CBFA2T2: variants seen among roughly 807,000 people sequenced by gnomAD.
CBFA2T2 encodes protein CBFA2T2.
CBFA2T2 carries 11 observed loss-of-function variants against 62.2 expected under a neutral mutation model. The observed-to-expected ratio is 0.18, with a 90% CI of 0.11 to 0.29. The LOEUF is 0.29. CBFA2T2 is among the 10% of genes least tolerant of loss of function. CBFA2T2 has a pLI of 1.00. For missense variants in CBFA2T2, 592 were observed against 774.1 expected (o/e 0.76, Z 2.79); for synonymous variants, 295 against 287.5 (o/e 1.03, Z -0.27).
chr20:33,597,672 C>T (rs902353122), intron 1 of CBFA2T2, among the ~76,000 whole-genome samples: 38 of 152,182 alleles, frequency 2.5e-4, no homozygotes, highest in African/African-American at 8.9e-4. Context: ...AAACCACTCC[C>T]TACCCCACCC....
At chr20:33,619,030 C>T (rs942173967) in intron 3 of CBFA2T2, among the ~76,000 whole-genome samples, 2 of 152,108 alleles carry the variant, frequency 1.3e-5, no homozygotes, top group Non-Finnish European at 2.9e-5. Context: ...CTTTGCCAGG[C>T]GTCTGAGTTC....
At chr20:33,531,890 G>GA (rs2012072217) in intron 1 of CBFA2T2, among the ~76,000 whole-genome samples, 1 of 152,166 alleles carries the variant, frequency 6.6e-6, no homozygotes, top group African/African-American at 2.4e-5. Flanking sequence ...AAAGGAAAAA[G>GA]AAAAGTTCAA....
chr20:33,526,868 A>C (rs1298704568), intron 1 of CBFA2T2, among the ~76,000 whole-genome samples: 1 of 152,216 alleles, frequency 6.6e-6, no homozygotes, highest in Non-Finnish European at 1.5e-5. Flanking sequence ...TCCTACTTCT[A>C]TCTCTTACTC....
At chr20:33,538,848 GT>G (rs949957123) in intron 1 of CBFA2T2, among the ~76,000 whole-genome samples, 136 of 133,926 alleles carry the variant, frequency 1.0e-3, no homozygotes, top group East Asian at 2.4e-3. Context: ...ATTGTTGTTT[GT>G]TTTTTTTTTT....
intron 1 of CBFA2T2, among the ~76,000 whole-genome samples, chr20:33,544,935 TAGAATAGAAC>T (rs1368068275): frequency 2.8e-4 from 39 of 141,806 alleles, no homozygotes; most frequent in East Asian, 2.4e-3. Flanking sequence ...CATGAGTGAA[TAGAATAGAAC>T]AGAATAGAAT....
At chr20:33,536,776 C>G (rs534164021) in intron 1 of CBFA2T2, among the ~76,000 whole-genome samples, 82 of 150,938 alleles carry the variant, frequency 5.4e-4, no homozygotes, top group Non-Finnish European at 9.0e-4. Context: ...GATGGGCGGC[C>G]GGGCAGAGAC....
intron 1 of CBFA2T2, among the ~76,000 whole-genome samples, chr20:33,524,959 C>T (rs2011843989): frequency 6.6e-6 from 1 of 152,028 alleles, no homozygotes; most frequent in Non-Finnish European, 1.5e-5. Flanking sequence ...CTCAGCCTCC[C>T]AAGTAGCTGG....
At chr20:33,634,213 C>T (rs1334380929) in intron 8 of CBFA2T2, among the ~76,000 whole-genome samples, 8 of 152,124 alleles carry the variant, frequency 5.3e-5, no homozygotes, top group South Asian at 2.1e-4. Context: ...GTGATCCACC[C>T]GCCTTGGCCT....
intron 1 of CBFA2T2, among the ~76,000 whole-genome samples, chr20:33,561,762 A>G (rs771957595): frequency 3.9e-5 from 6 of 152,330 alleles, no homozygotes; most frequent in Non-Finnish European, 8.8e-5. Context: ...GTTTTAAAAC[A>G]ATTTTGCATT....
At chr20:33,574,573 C>T (rs562033748) in intron 1 of CBFA2T2, among the ~76,000 whole-genome samples, 36 of 152,262 alleles carry the variant, frequency 2.4e-4, no homozygotes, top group African/African-American at 7.0e-4. Context: ...TGCAGTGAGC[C>T]GAGATTGTGC....
chr20:33,573,082 T>C (rs554940127), intron 1 of CBFA2T2, among the ~76,000 whole-genome samples: 6 of 152,322 alleles, frequency 3.9e-5, no homozygotes, highest in Non-Finnish European at 7.3e-5. Flanking sequence ...TTCCTTATTA[T>C]TCATCCATTC....
chr20:33,526,945 T>C (rs2011905398), intron 1 of CBFA2T2, among the ~76,000 whole-genome samples: 1 of 152,060 alleles, frequency 6.6e-6, no homozygotes, highest in Admixed American at 6.6e-5. Context: ...TGAATGATGG[T>C]CTAAGCAGAT....
In CBFA2T2 at chr20:33,644,484, C is replaced by T. The variant is rs1229136657; in HGVS notation, c.1626C>T (p.Ser542=). ...RLCGQNLHGQ[S]PHGQGRPLLP... is the part of the protein sequence containing the mutation. ...GTGGTCAGAACCTGCATGGCCAGAG[C>T]CCCCACGGCCAGGGCCGGCCGCTGC... Residue 542 remains serine, a synonymous_variant, in exon 11 of 11, where the codon AGC becomes AGT. Transcript: ENST00000342704. 3.1e-6 allele frequency: 5 copies of T among 1,614,164 alleles called. No homozygotes were observed. In the South Asian group the frequency reaches 3.3e-5, roughly 11 times the overall value.
At chr20:33,491,552 A>G (rs529151150) in intron 1 of CBFA2T2, among the ~76,000 whole-genome samples, 12 of 152,236 alleles carry the variant, frequency 7.9e-5, no homozygotes, top group African/African-American at 2.9e-4. Context: ...CACCCATTAA[A>G]TGTTGGATTG....
intron 1 of CBFA2T2, 38 bp downstream of exon 1, chr20:33,490,339 T>C: frequency 7.9e-7 from 1 of 1,266,990 alleles, no homozygotes. Flanking sequence ...GAGGGGGGCG[T>C]GTGAGGGCCT....
intron 8 of CBFA2T2, among the ~76,000 whole-genome samples, chr20:33,631,052 T>C (rs1055699693): frequency 4.6e-5 from 7 of 152,092 alleles, no homozygotes; most frequent in Non-Finnish European, 7.4e-5. Context: ...TGGTGGCTCA[T>C]GCCTGTGATC....
At chr20:33,624,675 A>G in intron 5 of CBFA2T2, 89 bp from the exon 6 acceptor site, 1 of 1,437,896 alleles carries the variant, frequency 7.0e-7, no homozygotes, top group Non-Finnish European at 9.5e-7. Context: ...AGCATGTAGC[A>G]AAATACCTAA....
chr20:33,546,823 C>T (rs1203014277), intron 1 of CBFA2T2, among the ~76,000 whole-genome samples: 1 of 151,012 alleles, frequency 6.6e-6, no homozygotes, highest in Non-Finnish European at 1.5e-5. Flanking sequence ...TTGAGTTTAC[C>T]ATTTGTAGCA....
intron 1 of CBFA2T2, among the ~76,000 whole-genome samples, chr20:33,599,018 T>C (rs1045291517): frequency 6.6e-6 from 1 of 151,262 alleles, no homozygotes; most frequent in African/African-American, 2.4e-5. Flanking sequence ...CCCAGCACTT[T>C]GGGAGGCCGA....
Sources: gnomAD v4.1 joint callset for allele counts (sites outside exome capture counted in the v4.1 genomes callset) on GRCh38, gnomAD v4.1.1 for gene constraint, MANE v1.5 for transcripts, NCBI Gene and HGNC (gene_info 2026-07-23, HGNC 2026-07-21) for gene names.